The following PCDHGA11 variants were observed in gnomAD, a reference collection of about 807,000 sequenced individuals.
The protein encoded by PCDHGA11 is protocadherin gamma-A11.
In PCDHGA11, 39 loss-of-function variants were observed where a neutral mutation model predicts 60.4. The ratio of observed to expected loss-of-function variants is 0.65; its 90% CI spans 0.50 to 0.84. The LOEUF is 0.84. PCDHGA11 is among the 40% of genes least tolerant of loss of function. The pLI is 0.00. For synonymous variants in PCDHGA11, 533 were observed against 510.3 expected (o/e 1.04, Z -0.60); for missense variants, 1,165 against 1,197.7 (o/e 0.97, Z 0.40).
rs779949480 is a variant in PCDHGA11, at chr5:141,489,768, C to G, written c.2434-5039C>G. The G allele has an allele frequency of 6.2e-7, 1 of 1,614,134 alleles. No individual in the cohort carries two copies. The highest frequency in any genetic ancestry group is 1.1e-5 in the South Asian group (1 of 91,072). On this transcript the variant is annotated intron_variant, in intron 1 of 3. Coordinates refer to ENST00000398587, the MANE Select transcript of PCDHGA11 (RefSeq NM_018914.3). The surrounding 1 kb of genome is among the most constrained non-coding windows in gnomAD (Gnocchi z 4.5). ...GCTTTTACACTCTAAGCCCCAACAG[C>G]CACTTCTCTCTGAATGTGAAGACCC...
intron 1 of PCDHGA11, among the ~76,000 whole-genome samples, chr5:141,460,445 G>A (rs896549154): frequency 7.2e-5 from 11 of 152,144 alleles, no homozygotes; most frequent in Admixed American, 5.9e-4. Flanking sequence ...AGGTAACAAT[G>A]AAGATTCATA....
Position 141,486,534 on chromosome 5 carries a change from C to G in PCDHGA11, c.2434-8273C>G. The stretch of plus-strand genomic sequence containing the variant: ...TCAGATGTGAATGATAATCCACCCT[C>G]TTTCTTTCAGAGGTCACATGAGGTG... On this transcript the variant is annotated intron_variant, in intron 1 of 3. Transcript: ENST00000398587. The surrounding 1 kb of genome is among the most constrained non-coding windows in gnomAD (Gnocchi z 5.0). 1 of 1,614,176 alleles carries G rather than the reference C, an allele frequency of 6.2e-7. No individual in the cohort carries two copies. Among genetic ancestry groups the G allele is most frequent in the Non-Finnish European group, 8.5e-7 (1 of 1,180,030 alleles).
chr5:141,453,021 A>G (rs1008711775), intron 1 of PCDHGA11, among the ~76,000 whole-genome samples: 1 of 152,200 alleles, frequency 6.6e-6, no homozygotes, highest in Non-Finnish European at 1.5e-5. Context: ...TATGTGATTC[A>G]TTAAAATAAA....
chr5:141,439,960 T>G (rs1297261423), intron 1 of PCDHGA11: 1 of 152,668 alleles, frequency 6.6e-6, no homozygotes, highest in African/African-American at 2.4e-5. Flanking sequence ...AGATCCGTTA[T>G]TCAGTCCTAG....
intron 1 of PCDHGA11, chr5:141,478,545 A>T: frequency 6.2e-7 from 1 of 1,605,606 alleles, no homozygotes; most frequent in Admixed American, 1.7e-5. Context: ...CCTCCCGGAC[A>T]GGTAAGGTTT....
intron 1 of PCDHGA11, among the ~76,000 whole-genome samples, chr5:141,434,902 C>T (rs1591355042): frequency 6.6e-6 from 1 of 151,934 alleles, no homozygotes; most frequent in East Asian, 1.9e-4. Flanking sequence ...CCCCTTCCCT[C>T]ATACCTTATT....
chr5:141,435,409 G>A (rs1387678336), intron 1 of PCDHGA11, among the ~76,000 whole-genome samples: 1 of 152,066 alleles, frequency 6.6e-6, no homozygotes, highest in African/African-American at 2.4e-5. Context: ...AAATGGTAAA[G>A]ACTATTTTTC....
intron 1 of PCDHGA11, among the ~76,000 whole-genome samples, chr5:141,481,105 T>C (rs1357970765): frequency 6.6e-6 from 1 of 152,188 alleles, no homozygotes; most frequent in Non-Finnish European, 1.5e-5. Flanking sequence ...CTCTGGAACC[T>C]ACCAATCCAT....
At position 141,476,902 on chromosome 5, in the gene PCDHGA11, C is replaced by T. The variant is rs1399250599; in HGVS notation, c.2434-17905C>T. ...TGGAGGATGCACCCTCCGGCACGCG[C>T]GTGGTACAAGTCCTTGCAACGGATC... On this transcript the variant is annotated intron_variant, in intron 1 of 3. Transcript: ENST00000398587. This position sits in a 1 kb window ranked among gnomAD's most constrained non-coding sequence, Gnocchi z 7.6. 2 of 1,613,998 alleles carry T rather than the reference C, an allele frequency of 1.2e-6. No individual in the cohort carries two copies. The highest frequency in any genetic ancestry group is 1.7e-6 in the Non-Finnish European group (2 of 1,180,034).
chr5:141,456,835 C>T (rs1261094365), intron 1 of PCDHGA11, among the ~76,000 whole-genome samples: 3 of 152,000 alleles, frequency 2.0e-5, no homozygotes, highest in African/African-American at 4.8e-5. Flanking sequence ...TGGTAGTGGG[C>T]GCCTGTAATC....
chr5:141,498,930 C>T (rs2099786911), intron 2 of PCDHGA11, among the ~76,000 whole-genome samples: 1 of 121,364 alleles, frequency 8.2e-6, no homozygotes, highest in Non-Finnish European at 1.6e-5. Flanking sequence ...GAGACTCCAT[C>T]AGGAAAGAAA....
Position 141,476,129 on chromosome 5 carries a change from G to T in PCDHGA11, c.2434-18678G>T, listed in dbSNP as rs2099385585. 6.2e-7 allele frequency: 1 copy of T among 1,606,848 alleles called. No homozygotes were observed. The highest frequency in any genetic ancestry group is 1.3e-5 in the African/African-American group (1 of 75,000). On this transcript the variant is annotated intron_variant, in intron 1 of 3. Transcript: ENST00000398587. The surrounding 1 kb of genome is among the most constrained non-coding windows in gnomAD (Gnocchi z 7.6). ...GCTTTTGAGTGAGATGGTCCCAGAG[G>T]CCTGGAGGAGCGGACTGGTAAGCAC...
At position 141,512,644 on chromosome 5, in the gene PCDHGA11, G is replaced by T. The variant is rs1283774989; in HGVS notation, c.*1471G>T. Reference sequence around the variant, plus strand: ...ACCCCAGACCTGCCCTTACAGTAGTGTAGCGCCCCCTCCCTCTTTCGGCTG... The same window carrying T: ...ACCCCAGACCTGCCCTTACAGTAGTTTAGCGCCCCCTCCCTCTTTCGGCTG... On this transcript the variant is annotated 3_prime_UTR_variant, in exon 4 of 4. Coordinates refer to ENST00000398587, the MANE Select transcript of PCDHGA11 (RefSeq NM_018914.3). 1 of 152,528 alleles carries T rather than the reference G, an allele frequency of 6.6e-6. No individual in the cohort carries two copies. The allele number at this position is 152,528 out of a possible 1,614,324, so 9.4% of individuals were successfully genotyped here.
chr5:141,423,437 C>CACGT lies in PCDHGA11; in HGVS notation c.2210_2211insACGT (p.Thr738ArgfsTer51), dbSNP rs766166209. ...TCTGAAGGCGGGTTGGCAGGTATGC[C>CACGT]CACGTCACATTTTGTAGGCGTGGAC... On this transcript the variant is annotated frameshift_variant, in exon 1 of 4. Coordinates refer to ENST00000398587, the MANE Select transcript of PCDHGA11 (RefSeq NM_018914.3). LOFTEE classifies it high-confidence loss of function. 1 of 1,613,952 alleles carries CACGT rather than the reference C, an allele frequency of 6.2e-7. No individual in the cohort carries two copies. The highest frequency in any genetic ancestry group is 8.5e-7 in the Non-Finnish European group (1 of 1,179,900).
Position 141,485,795 on chromosome 5 carries a change from T to G in PCDHGA11, c.2434-9012T>G, listed in dbSNP as rs1225630684. On this transcript the variant is annotated intron_variant, in intron 1 of 3. Coordinates refer to ENST00000398587, the MANE Select transcript of PCDHGA11 (RefSeq NM_018914.3). The surrounding 1 kb of genome is among the most constrained non-coding windows in gnomAD (Gnocchi z 5.7). ...TTTGGATCGAGAGAAGCAATCGGAC[T>G]ACCGCCTGGTGCTGACTGCTGTCGA... 16 of 1,614,092 alleles carry G rather than the reference T, an allele frequency of 9.9e-6. No individual in the cohort carries two copies. The highest frequency in any genetic ancestry group is 1.1e-5 in the Non-Finnish European group (13 of 1,180,046).
chr5:141,448,044 C>T (rs2098559539), intron 1 of PCDHGA11, among the ~76,000 whole-genome samples: 1 of 151,942 alleles, frequency 6.6e-6, no homozygotes, highest in African/African-American at 2.4e-5. Context: ...CAAGATCATG[C>T]CATTGCTCTC....
chr5:141,486,909 C>A lies in PCDHGA11; in HGVS notation c.2434-7898C>A, dbSNP rs759702188. On this transcript the variant is annotated intron_variant, in intron 1 of 3. Coordinates refer to ENST00000398587, the MANE Select transcript of PCDHGA11 (RefSeq NM_018914.3). The surrounding 1 kb of genome is among the most constrained non-coding windows in gnomAD (Gnocchi z 5.0). ...CGGCCTGGTTCCTTATGTCCCCAAGCACTGCCTCCATCAGTTGGTGCTGGC... is the reference window on the plus strand; with the variant it reads ...CGGCCTGGTTCCTTATGTCCCCAAGAACTGCCTCCATCAGTTGGTGCTGGC... 3.1e-6 allele frequency: 5 copies of A among 1,614,262 alleles called. No individual in the cohort carries two copies. The East Asian group carries it at 1.1e-4, about 36-fold the overall frequency.
intron 1 of PCDHGA11, among the ~76,000 whole-genome samples, chr5:141,434,491 C>CCCAGGGCAGAAAACTGCTTAA (rs1300377022): frequency 1.8e-4 from 27 of 152,302 alleles, no homozygotes; most frequent in Non-Finnish European, 3.4e-4. Context: ...ACCTGGCCCG[C>CCCAGGGCAGAAAACTGCTTAA]CCAGGGCAGA....
At position 141,489,577 on chromosome 5, in the gene PCDHGA11, C is replaced by A. The variant is rs918238376; in HGVS notation, c.2434-5230C>A. The stretch of plus-strand genomic sequence containing the variant: ...GCCAGTGCAGGTGGTGACTGAACAC[C>A]CCCTGGAGCTAATCCGTGTAGAGGT... On this transcript the variant is annotated intron_variant, in intron 1 of 3. Coordinates refer to ENST00000398587, the MANE Select transcript of PCDHGA11 (RefSeq NM_018914.3). This position sits in a 1 kb window ranked among gnomAD's most constrained non-coding sequence, Gnocchi z 4.5. The A allele has an allele frequency of 6.2e-7, 1 of 1,613,894 alleles. No individual in the cohort carries two copies. The highest frequency in any genetic ancestry group is 8.5e-7 in the Non-Finnish European group (1 of 1,180,000).
Sources: gnomAD v4.1 joint callset for allele counts (sites outside exome capture counted in the v4.1 genomes callset) on GRCh38, gnomAD v4.1.1 for gene constraint, Gnocchi (gnomAD v3.1) non-coding constraint, MANE v1.5 for transcripts, NCBI Gene and HGNC (gene_info 2026-07-23, HGNC 2026-07-21) for gene names.